The following NCBP3 variants were observed in gnomAD, a reference collection of about 807,000 sequenced individuals.
The protein encoded by NCBP3 is nuclear cap-binding protein subunit 3.
Under a neutral mutation model 75.7 loss-of-function variants are expected in NCBP3, and 20 were observed. The ratio of observed to expected loss-of-function variants is 0.26; its 90% CI spans 0.19 to 0.38. The LOEUF (loss-of-function observed/expected upper bound fraction) is 0.38, where lower values mean the gene tolerates loss of function less well. NCBP3 is among the 10% of genes least tolerant of loss of function. NCBP3 has a pLI of 1.00. For synonymous variants in NCBP3, 293 were observed against 290.5 expected (o/e 1.01, Z -0.09); for missense variants, 678 against 796.9 (o/e 0.85, Z 1.80).
At position 3,846,153 on chromosome 17, in the gene NCBP3, G is replaced by T. The variant is rs1330612286; in HGVS notation, c.71C>A (p.Pro24Gln). The T allele has an allele frequency of 1.3e-6, 2 of 1,537,726 alleles. No individual in the cohort carries two copies. Among genetic ancestry groups the T allele is most frequent in the Non-Finnish European group, 1.8e-6 (2 of 1,141,542 alleles). Reference protein sequence around the residue: ...EAPAGPALGLPSPEAESGVDR... With the variant: ...EAPAGPALGLQSPEAESGVDR... ...AACACCGGACTCCGCCTCAGGGGAC[G>T]GGAGCCCCAGGGCCGGCCCCGCCGG... Residue 24 changes from proline to glutamine, a missense_variant, in exon 1 of 13, where the codon CCG becomes CAG. Transcript: ENST00000389005. This position sits in a 1 kb window ranked among gnomAD's most constrained non-coding sequence, Gnocchi z 4.6.
chr17:3,813,307 T>G (rs1018525687), intron 12 of NCBP3, 28 bp from the exon 13 acceptor site: 3 of 1,611,818 alleles, frequency 1.9e-6, no homozygotes, highest in African/African-American at 1.3e-5. Context: ...CATTTCACTT[T>G]CGCAGTCAGC....
At chr17:3,823,479 G>A (rs758983421) in intron 7 of NCBP3, among the ~76,000 whole-genome samples, 1 of 152,230 alleles carries the variant, frequency 6.6e-6, no homozygotes, top group Non-Finnish European at 1.5e-5. Flanking sequence ...TAGAGCACCT[G>A]TCTACTGGTA....
chr17:3,823,622 T>C (rs2053713956), intron 7 of NCBP3, among the ~76,000 whole-genome samples: 2 of 152,204 alleles, frequency 1.3e-5, no homozygotes, highest in South Asian at 2.1e-4. Flanking sequence ...GAGGTCTTGC[T>C]ATGTTGCCTA....
rs747115747 is a variant in NCBP3, at chr17:3,809,312, C to T, written c.*3732G>A. 2 of 152,096 alleles carry T rather than the reference C, an allele frequency of 1.3e-5. No individual in the cohort carries two copies. Among genetic ancestry groups the T allele is most frequent in the Non-Finnish European group, 2.9e-5 (2 of 68,028 alleles). 9.4% of individuals were successfully genotyped at this position (152,096 alleles called of 1,614,324 possible). On this transcript the variant is annotated 3_prime_UTR_variant, in exon 13 of 13. Coordinates refer to ENST00000389005, the MANE Select transcript of NCBP3 (RefSeq NM_001114118.3). ...CTGAAAAGGTTAAAGATAATTATGA[C>T]TCAGCAATTCCACTCCTAGGTATAT... is the stretch of plus-strand genomic sequence containing the variant.
intron 11 of NCBP3, among the ~76,000 whole-genome samples, chr17:3,815,825 A>G (rs554431914): frequency 1.3e-5 from 2 of 152,274 alleles, no homozygotes; most frequent in African/African-American, 4.8e-5. Flanking sequence ...TTAAGCATCA[A>G]TGGATTTTGG....
At chr17:3,820,839 G>A (rs2053647641) in intron 9 of NCBP3, among the ~76,000 whole-genome samples, 1 of 151,908 alleles carries the variant, frequency 6.6e-6, no homozygotes, top group African/African-American at 2.4e-5. Flanking sequence ...GCTAAGGCAG[G>A]AGAATTGCTT....
intron 9 of NCBP3, among the ~76,000 whole-genome samples, chr17:3,819,239 T>C (rs967967147): frequency 2.0e-5 from 3 of 152,168 alleles, no homozygotes; most frequent in Non-Finnish European, 2.9e-5. Context: ...GAATCAACAA[T>C]GTGTCTTAAA....
intron 3 of NCBP3, among the ~76,000 whole-genome samples, chr17:3,838,856 G>C (rs2054019350): frequency 6.6e-6 from 1 of 152,192 alleles, no homozygotes. Context: ...TAGTAAAAAA[G>C]CAAGTTCACA....
At chr17:3,845,812 C>A (rs1024657519) in intron 1 of NCBP3, among the ~76,000 whole-genome samples, 1 of 152,166 alleles carries the variant, frequency 6.6e-6, no homozygotes, top group East Asian at 1.9e-4. Flanking sequence ...CAGCTCTCCG[C>A]CACCACCCCC....
chr17:3,845,666 G>C (rs533256906), intron 1 of NCBP3, among the ~76,000 whole-genome samples: 5 of 152,292 alleles, frequency 3.3e-5, no homozygotes, highest in African/African-American at 1.2e-4. Flanking sequence ...CCACCCAACA[G>C]CTCCTTCTGG....
In NCBP3 at chr17:3,812,377, A is replaced by T. The variant is rs561636013; in HGVS notation, c.*667T>A. On this transcript the variant is annotated 3_prime_UTR_variant, in exon 13 of 13. Coordinates refer to ENST00000389005, the MANE Select transcript of NCBP3 (RefSeq NM_001114118.3). ...ACGTCACAGTTTTTTGTTCCTAAAA[A>T]TCCCACAGCACTGAACTTGATCTTC... is the stretch of plus-strand genomic sequence containing the variant. 4 of 421,690 alleles carry T rather than the reference A, an allele frequency of 9.5e-6. No homozygotes were observed. The highest frequency in any genetic ancestry group is 8.6e-5 in the African/African-American group (4 of 46,528). 26.1% of individuals were successfully genotyped at this position (421,690 alleles called of 1,614,324 possible).
chr17:3,837,307 G>T (rs1198392174), intron 3 of NCBP3, among the ~76,000 whole-genome samples: 1 of 151,918 alleles, frequency 6.6e-6, no homozygotes, highest in African/African-American at 2.4e-5. Context: ...GACCAGCCTG[G>T]CCAAGATGGT....
In NCBP3 at chr17:3,821,980, C is replaced by A; in HGVS notation, c.869G>T (p.Gly290Val). 3 of 1,612,176 alleles carry A rather than the reference C, an allele frequency of 1.9e-6. No homozygotes were observed. Among genetic ancestry groups the A allele is most frequent in the Non-Finnish European group, 2.5e-6 (3 of 1,178,692 alleles). The change falls in exon 8 of 13, where the codon GGC becomes GTC. Residue 290 changes from glycine (G) to valine (V), a missense_variant. This residue lies in a region of NCBP3 where 38 missense variants were observed against 78.9 expected (regional missense o/e 0.48). Transcript: ENST00000389005. ...YMKYGNPNYG[G>V]MKGILSNSWK... is the part of the protein sequence containing the mutation. ...TGAATTGCTAAGAATTCCTTTCATG[C>A]CTCCATAATTTGGATTCCCATATTT...
rs546438812 is a variant in NCBP3 at position 3,810,282 on chromosome 17, C to G, written c.*2762G>C. 1.3e-5 allele frequency: 2 copies of G among 152,158 alleles called. No individual in the cohort carries two copies. Among genetic ancestry groups the G allele is most frequent in the Non-Finnish European group, 2.9e-5 (2 of 68,094 alleles). The allele number at this position is 152,158 out of a possible 1,614,324, so 9.4% of individuals were successfully genotyped here. ...GCTGGAAAGGGCAGTGGCTGAAGAA[C>G]GGAGAGGGGTTCACAGGATCAGACT... On this transcript the variant is annotated 3_prime_UTR_variant, in exon 13 of 13. Coordinates refer to ENST00000389005, the MANE Select transcript of NCBP3 (RefSeq NM_001114118.3).
Position 3,846,003 on chromosome 17 carries a change from C to T in NCBP3, c.183+38G>A. ...CCCCCTCCGGCGCTAGACACTAGCC[C>T]CGCGACCTCTTCCTTACCCCCCGAC... is the stretch of plus-strand genomic sequence containing the variant. On this transcript the variant is annotated intron_variant, in intron 1 of 12. Coordinates refer to ENST00000389005, the MANE Select transcript of NCBP3 (RefSeq NM_001114118.3). The surrounding 1 kb of genome is among the most constrained non-coding windows in gnomAD (Gnocchi z 4.6). 2 of 1,537,818 alleles carry T rather than the reference C, an allele frequency of 1.3e-6. No homozygotes were observed. The highest frequency in any genetic ancestry group is 1.7e-4 in the Middle Eastern group (1 of 5,882).
chr17:3,814,417 A>G lies in NCBP3; in HGVS notation c.1532T>C (p.Val511Ala). The G allele has an allele frequency of 6.2e-6, 10 of 1,614,204 alleles. No homozygotes were observed. Among genetic ancestry groups the G allele is most frequent in the Non-Finnish European group, 8.5e-6 (10 of 1,180,032 alleles). The change falls in exon 12 of 13, where the codon GTT (valine) becomes GCT (alanine). Residue 511 changes from valine (V) to alanine (A), a missense_variant. Physicochemically the swap from Val to Ala is moderately conservative, Grantham distance 64. Around this residue, in one of 7 missense-constraint regions of NCBP3, gnomAD observed 365 missense variants for 392.7 expected, o/e 0.93. Transcript: ENST00000389005. The part of the protein sequence containing the change: ...PEKAFSSNPV[V>A]RREPSSDVHS... ...CACATCAGAAGAGGGCTCTCTCCGA[A>G]CGACGGGGTTACTACTAAAAGCCTT...
chr17:3,825,920 T>C (rs1303483609), intron 5 of NCBP3, 77 bp from the exon 6 acceptor site: 8 of 1,420,570 alleles, frequency 5.6e-6, no homozygotes, highest in South Asian at 2.5e-5. Flanking sequence ...AACTATCTCA[T>C]ATAATTTTAA....
At chr17:3,816,631 T>G (rs62070426) in intron 10 of NCBP3, among the ~76,000 whole-genome samples, 2 of 152,244 alleles carry the variant, frequency 1.3e-5, no homozygotes, top group African/African-American at 4.8e-5. Flanking sequence ...ACACACAGTA[T>G]AGTCTACAGT....
chr17:3,842,784 T>C (rs74760055), intron 2 of NCBP3, among the ~76,000 whole-genome samples: 5,690 of 152,170 alleles, frequency 0.037, 152 homozygotes, highest in Non-Finnish European at 0.057. Context: ...TAGTTGGGAC[T>C]ACAGACCTGT....
Sources: allele counts gnomAD v4.1 joint callset (sites outside exome capture counted in the v4.1 genomes callset), GRCh38; gene constraint gnomAD v4.1.1; regional missense constraint gnomAD v4.1.1; non-coding constraint Gnocchi (gnomAD v3.1); transcripts MANE v1.5; gene names NCBI Gene and HGNC (gene_info 2026-07-23, HGNC 2026-07-21).